Variants in REXO5 observed in about 807,000 individuals in gnomAD.
REXO5 encodes the protein RNA exonuclease 5, also known as exonuclease NEF-sp.
In REXO5, 48 loss-of-function variants were observed where a neutral mutation model predicts 88.5. The observed-to-expected ratio is 0.54, with a 90% CI of 0.43 to 0.69. The LOEUF (loss-of-function observed/expected upper bound fraction) is 0.69, where lower values mean the gene tolerates loss of function less well. Among genes scored for constraint, REXO5 ranks in the 30% least tolerant of loss-of-function variants. The pLI is 0.00. For synonymous variants in REXO5, 311 were observed against 336.5 expected (o/e 0.92, Z 0.83); for missense variants, 749 against 912.2 (o/e 0.82, Z 2.30).
chr16:20,845,878 T>G (rs989658475), intron 18 of REXO5, among the ~76,000 whole-genome samples: 1 of 151,910 alleles, frequency 6.6e-6, no homozygotes, highest in Non-Finnish European at 1.5e-5. Context: ...GGGGCTAGAG[T>G]TGGTAAGTCA....
chr16:20,841,886 G>GC lies in REXO5; in HGVS notation c.1626+1419dup, dbSNP rs1465458047. On this transcript the variant is annotated intron_variant, in intron 15 of 19. Transcript: ENST00000261377. ...GCTGGGATTACAGGCATGAGCCACT[G>GC]CACCCAGCTTCCAAATCTTTTATTA... Among the ~76,000 whole-genome samples, 9 of 152,272 alleles carry GC rather than the reference G, an allele frequency of 5.9e-5. No homozygotes were observed. The South Asian group carries it at 1.7e-3, about 28-fold the overall frequency.
intron 4 of REXO5, 129 bp from the exon 5 acceptor site, chr16:20,815,987 T>C: frequency 1.4e-6 from 1 of 701,482 alleles, no homozygotes; most frequent in Non-Finnish European, 2.4e-6. Context: ...GAAACAGTTC[T>C]TATTTTAAAA....
intron 5 of REXO5, among the ~76,000 whole-genome samples, chr16:20,818,224 T>C (rs1242413919): frequency 6.6e-6 from 1 of 152,210 alleles, no homozygotes; most frequent in African/African-American, 2.4e-5. Flanking sequence ...TCTTACCTGA[T>C]ATATTACGTA....
chr16:20,838,470 AGTT>A (rs1380471899), intron 13 of REXO5, among the ~76,000 whole-genome samples: 1 of 152,156 alleles, frequency 6.6e-6, no homozygotes, highest in African/African-American at 2.4e-5. Flanking sequence ...ATAAATACCC[AGTT>A]GTTGTCTTTA....
rs769536729 is a variant in REXO5, at chr16:20,821,834, A to T, written c.548A>T (p.Lys183Met). 2 of 1,608,696 alleles carry T rather than the reference A, an allele frequency of 1.2e-6. No individual in the cohort carries two copies. The highest frequency in any genetic ancestry group is 3.4e-5 in the Admixed American group (2 of 58,306). The change falls in exon 6 of 20, where the codon AAG (lysine) becomes ATG (methionine). Residue 183 changes from lysine to methionine, a missense_variant. Physicochemically the swap from Lys to Met is moderately conservative, Grantham distance 95. Transcript: ENST00000261377. The part of the protein sequence containing the change: ...DDPIIQKYGS[K>M]KVGLTRCLLT... ...CCCATCATTCAAAAGTATGGCTCTA[A>T]GAAAGTGGGCTTGACCAGATGCCTT...
rs2081498562 is a variant in REXO5, at chr16:20,839,838, C to T, written c.1467C>T (p.Leu489=). ...QFSFKAFSPV[L]TEEMNKRMRI... ...CTTTTAAGGCCTTTTCACCTGTCCTCACTGAGGAGATGAACAAAAGGGTAA... is the reference window on the plus strand; with the variant it reads ...CTTTTAAGGCCTTTTCACCTGTCCTTACTGAGGAGATGAACAAAAGGGTAA... Residue 489 remains leucine (L), a synonymous_variant, in exon 14 of 20, where the codon CTC becomes CTT. Coordinates refer to ENST00000261377, the MANE Select transcript of REXO5 (RefSeq NM_030941.3). 1 of 1,611,746 alleles carries T rather than the reference C, an allele frequency of 6.2e-7. No individual in the cohort carries two copies. Among genetic ancestry groups the T allele is most frequent in the African/African-American group, 1.3e-5 (1 of 74,984 alleles).
At chr16:20,815,727 C>A (rs568802858) in intron 4 of REXO5, among the ~76,000 whole-genome samples, 8 of 152,280 alleles carry the variant, frequency 5.3e-5, no homozygotes, top group Admixed American at 5.2e-4. Flanking sequence ...AGTGGTAGGG[C>A]TGAAATTTAA....
chr16:20,842,341 G>A (rs1443460040), intron 15 of REXO5, among the ~76,000 whole-genome samples: 1 of 152,012 alleles, frequency 6.6e-6, no homozygotes, highest in East Asian at 1.9e-4. Flanking sequence ...ATGTCTTCAA[G>A]GTTCATTCAT....
rs560209778 is a variant in REXO5 at position 20,813,149 on chromosome 16, TA to T, written c.139-39del. On this transcript the variant is annotated intron_variant, in intron 2 of 19. Transcript: ENST00000261377. ...TAACTTGCTTTGTTGGTATTCTTGATAACCAATAATGGCTTGCTACGCCCTG... is the reference window on the plus strand; with the variant it reads ...TAACTTGCTTTGTTGGTATTCTTGATACCAATAATGGCTTGCTACGCCCTG... 13 of 1,306,936 alleles carry T rather than the reference TA, an allele frequency of 9.9e-6. No individual in the cohort carries two copies. The East Asian group carries it at 2.8e-4, about 28-fold the overall frequency. 81.0% of individuals were successfully genotyped at this position (1,306,936 alleles called of 1,614,324 possible).
At chr16:20,816,499 T>C (rs2081084321) in intron 5 of REXO5, among the ~76,000 whole-genome samples, 1 of 151,670 alleles carries the variant, frequency 6.6e-6, no homozygotes, top group South Asian at 2.1e-4. Flanking sequence ...GCTAATTTTG[T>C]TTGTTTGTTT....
Position 20,806,535 on chromosome 16 carries a change from C to G in REXO5, c.-173C>G, listed in dbSNP as rs975698340. The G allele has an allele frequency of 1.3e-6, 2 of 1,528,756 alleles. No homozygotes were observed. Among genetic ancestry groups the G allele is most frequent in the East Asian group, 4.9e-5 (2 of 40,606 alleles). 94.7% of individuals were successfully genotyped at this position (1,528,756 alleles called of 1,614,324 possible). A position where few individuals can be genotyped will look rare whatever the true frequency, so the allele number is the denominator to read the frequency against. Reference sequence around the variant, plus strand: ...GAGGCTGAGGGGCGGTTGTTGTTGGCAGCTGTGGCTAAGGAGGGGAGAACC... The same window carrying G: ...GAGGCTGAGGGGCGGTTGTTGTTGGGAGCTGTGGCTAAGGAGGGGAGAACC... On this transcript the variant is annotated 5_prime_UTR_variant, in exon 1 of 20. Coordinates refer to ENST00000261377, the MANE Select transcript of REXO5 (RefSeq NM_030941.3).
chr16:20,821,330 AG>A (rs2081181868), intron 5 of REXO5, among the ~76,000 whole-genome samples: 1 of 152,102 alleles, frequency 6.6e-6, no homozygotes, highest in South Asian at 2.1e-4. Context: ...TCTGCTGCCC[AG>A]GCTGGAGTGC....
chr16:20,835,639 A>ATTTTTTTTTT (rs60258217), intron 13 of REXO5, among the ~76,000 whole-genome samples: 2 of 150,648 alleles, frequency 1.3e-5, no homozygotes, highest in Non-Finnish European at 3.0e-5. Context: ...GTTCTTAGGA[A>ATTTTTTTTTT]TTTTTTTTTT....
rs149421469 is a variant in REXO5, at chr16:20,816,185, G to A, written c.448G>A (p.Ala150Thr). Residue 150 changes from alanine to threonine, a missense_variant, in exon 5 of 20, where the codon GCT becomes ACT. Coordinates refer to ENST00000261377, the MANE Select transcript of REXO5 (RefSeq NM_030941.3). ...DVVGLQTEQR[A>T]GDLPKTMEGP... is the part of the protein sequence containing the mutation. ...TGTTGGGCTACAAACTGAACAAAGA[G>A]CTGGAGATCTGCCCAAGACAATGGA... is the stretch of plus-strand genomic sequence containing the variant. 56 of 1,613,916 alleles carry A rather than the reference G, an allele frequency of 3.5e-5. No homozygotes were observed. The African/African-American group carries it at 6.5e-4, about 19-fold the overall frequency.
chr16:20,848,832 G>C (rs2081650434), intron 19 of REXO5, among the ~76,000 whole-genome samples: 1 of 152,188 alleles, frequency 6.6e-6, no homozygotes, highest in African/African-American at 2.4e-5. Context: ...CTGGCACCTA[G>C]CAGGTGCTAC....
chr16:20,814,780 C>T (rs2081055263), intron 3 of REXO5, 147 bp from the exon 4 acceptor site: 4 of 690,428 alleles, frequency 5.8e-6, no homozygotes, highest in African/African-American at 5.6e-5. Flanking sequence ...GGCTGTCTTC[C>T]AGTTCCAGGC....
In REXO5 at chr16:20,843,502, T is replaced by A. The variant is rs555511694; in HGVS notation, c.1627-432T>A. On this transcript the variant is annotated intron_variant, in intron 15 of 19. Transcript: ENST00000261377. ...AAGGCTTTTATCTCCATATTGATGC[T>A]ATGGCTCAGATAATCACAAAGATTT... Among the ~76,000 whole-genome samples, 3 of 152,348 alleles carry A rather than the reference T, an allele frequency of 2.0e-5. No individual in the cohort carries two copies. The South Asian group carries it at 6.2e-4, about 32-fold the overall frequency.
At chr16:20,815,180 A>G (rs8057137) in intron 4 of REXO5, 127 bp downstream of exon 4, 687,589 of 1,000,820 alleles carry the variant, frequency 0.69, 240,172 homozygotes, top group Non-Finnish European at 0.73. Context: ...GAAAGCAAAA[A>G]GACCTTAGAG....
intron 15 of REXO5, among the ~76,000 whole-genome samples, chr16:20,842,563 C>T (rs1462136376): frequency 1.3e-5 from 2 of 151,628 alleles, no homozygotes; most frequent in Non-Finnish European, 2.9e-5. Flanking sequence ...CAGCCTCAAC[C>T]TCCTGGGCTC....
Sources: allele counts gnomAD v4.1 joint callset (sites outside exome capture counted in the v4.1 genomes callset), GRCh38; gene constraint gnomAD v4.1.1; transcripts MANE v1.5; gene names NCBI Gene and HGNC (gene_info 2026-07-23, HGNC 2026-07-21).